The following CNDP1 variants were observed in gnomAD, a reference collection of about 807,000 sequenced individuals.
CNDP1 encodes the protein carnosine dipeptidase 1, also known as beta-Ala-His dipeptidase.
Under a neutral mutation model 58.1 loss-of-function variants are expected in CNDP1, and 44 were observed. The observed-to-expected ratio is 0.76, with a 90% CI of 0.60 to 0.97. The LOEUF is 0.97. Ranked by LOEUF, CNDP1 falls within the 50% of genes least tolerant of loss-of-function variation. The pLI is 0.00. For synonymous variants in CNDP1, 254 were observed against 252.6 expected (o/e 1.01, Z -0.05); for missense variants, 616 against 655.1 (o/e 0.94, Z 0.65).
intron 6 of CNDP1, among the ~76,000 whole-genome samples, chr18:74,568,600 C>T (rs1181505010): frequency 6.6e-6 from 1 of 152,094 alleles, no homozygotes; most frequent in African/African-American, 2.4e-5. Context: ...AGGGGGCGAG[C>T]TCCAGACCCA....
At position 74,576,973 on chromosome 18, in the gene CNDP1, G is replaced by A. The variant is rs62621182; in HGVS notation, c.946G>A (p.Asp316Asn). ...AAATACATACAAAGCCATCCATCTAGACCTAGAAGAATACCGGAATAGCAG... is the reference window on the plus strand; with the variant it reads ...AAATACATACAAAGCCATCCATCTAAACCTAGAAGAATACCGGAATAGCAG... ...EINTYKAIHL[D>N]LEEYRNSSRV... is the part of the protein sequence containing the mutation. Residue 316 changes from aspartate (D) to asparagine (N), a missense_variant, in exon 8 of 12, where the codon GAC becomes AAC. Transcript: ENST00000358821. The A allele has an allele frequency of 0.022, 35,483 of 1,613,270 alleles. 1,361 individuals carry two copies. The highest frequency in any genetic ancestry group is 0.12 in the African/African-American group (8,859 of 74,988).
intron 7 of CNDP1, among the ~76,000 whole-genome samples, chr18:74,571,848 C>T (rs1366793326): frequency 1.3e-5 from 2 of 152,128 alleles, no homozygotes; most frequent in African/African-American, 2.4e-5. Flanking sequence ...TGTGGGTGAC[C>T]AGGTATGTCC....
chr18:74,569,959 G>T (rs923179901), intron 6 of CNDP1, among the ~76,000 whole-genome samples: 3 of 151,442 alleles, frequency 2.0e-5, no homozygotes, highest in Admixed American at 6.6e-5. Context: ...GCTGAGGCGG[G>T]TGGATCACCT....
At chr18:74,559,677 T>C (rs990706827) in intron 3 of CNDP1, among the ~76,000 whole-genome samples, 2 of 152,120 alleles carry the variant, frequency 1.3e-5, no homozygotes, top group African/African-American at 4.8e-5. Context: ...TGGGGAGGGG[T>C]TGGCTCTTAG....
Position 74,559,341 on chromosome 18 carries a change from G to A in CNDP1, c.172G>A (p.Ala58Thr). The change falls in exon 3 of 12, where the codon GCC becomes ACC. Residue 58 changes from alanine to threonine, a missense_variant. By Grantham distance (58) the Ala-to-Thr change is moderately conservative. Coordinates refer to ENST00000358821, the MANE Select transcript of CNDP1 (RefSeq NM_032649.6). The part of the protein sequence containing the change: ...EFVQTLKEWV[A>T]IESDSVQPVP... Reference sequence around the variant, plus strand: ...CTCCTAGACGCTGAAGGAGTGGGTGGCCATCGAGAGCGACTCTGTCCAGCC... The same window carrying A: ...CTCCTAGACGCTGAAGGAGTGGGTGACCATCGAGAGCGACTCTGTCCAGCC... The A allele has an allele frequency of 6.2e-7, 1 of 1,614,044 alleles. No homozygotes were observed. The highest frequency in any genetic ancestry group is 8.5e-7 in the Non-Finnish European group (1 of 1,180,010).
At chr18:74,572,463 T>G in intron 7 of CNDP1, among the ~76,000 whole-genome samples, 1 of 152,126 alleles carries the variant, frequency 6.6e-6, no homozygotes, top group East Asian at 1.9e-4. Context: ...CTCGCTGTGC[T>G]CCACTTGGCA....
intron 8 of CNDP1, chr18:74,577,932 G>A: frequency 4.8e-6 from 2 of 414,560 alleles, no homozygotes; most frequent in South Asian, 1.2e-4. Flanking sequence ...CTTGGGCAAA[G>A]AGGGGCACTC....
chr18:74,575,036 G>C (rs1981590475), intron 7 of CNDP1, among the ~76,000 whole-genome samples: 1 of 138,720 alleles, frequency 7.2e-6, no homozygotes, highest in Non-Finnish European at 1.5e-5. Flanking sequence ...GGGAGGGATG[G>C]AGGGAAGGAA....
rs1223761059 is a variant in CNDP1 at position 74,585,297 on chromosome 18, A to G, written c.*735A>G. ...CTTCCTGTCCCATCAGAAAAGGCCC[A>G]CTCTCTCTCTATCCAACATCTGTGC... On this transcript the variant is annotated 3_prime_UTR_variant, in exon 12 of 12. Transcript: ENST00000358821. The G allele has an allele frequency of 6.6e-6, 1 of 151,794 alleles. No individual in the cohort carries two copies. The highest frequency in any genetic ancestry group is 1.5e-5 in the Non-Finnish European group (1 of 68,016). The allele number at this position is 151,794 out of a possible 1,614,324, so 9.4% of individuals were successfully genotyped here. A position where few individuals can be genotyped will look rare whatever the true frequency, so the allele number is the denominator to read the frequency against.
intron 11 of CNDP1, chr18:74,584,113 A>C: frequency 5.2e-6 from 1 of 191,118 alleles, no homozygotes; most frequent in Non-Finnish European, 9.9e-6. Context: ...AGGAAACACA[A>C]ATATTTAGTG....
At chr18:74,575,151 GAGAA>G (rs1981598052) in intron 7 of CNDP1, among the ~76,000 whole-genome samples, 2 of 152,156 alleles carry the variant, frequency 1.3e-5, no homozygotes, top group African/African-American at 4.8e-5. Flanking sequence ...AAGAAAGAAA[GAGAA>G]GGAAGGAAGG....
chr18:74,544,005 G>A (rs575088869), intron 1 of CNDP1, among the ~76,000 whole-genome samples: 2 of 152,146 alleles, frequency 1.3e-5, no homozygotes, highest in Non-Finnish European at 2.9e-5. Context: ...AGGGTGGCTT[G>A]AGCCTGGGAG....
chr18:74,562,320 G>T (rs1278289487), intron 5 of CNDP1, among the ~76,000 whole-genome samples, 185 bp downstream of exon 5: 1 of 152,222 alleles, frequency 6.6e-6, no homozygotes, highest in African/African-American at 2.4e-5. Context: ...GAAGGTCAGA[G>T]AACTTACCCA....
At chr18:74,549,526 G>A (rs1395108864) in intron 1 of CNDP1, among the ~76,000 whole-genome samples, 1 of 151,796 alleles carries the variant, frequency 6.6e-6, no homozygotes, top group Non-Finnish European at 1.5e-5. Context: ...TTTCTAAATG[G>A]GAAAAAGATT....
chr18:74,539,877 C>G (rs73476790), intron 1 of CNDP1, among the ~76,000 whole-genome samples: 1,889 of 152,310 alleles, frequency 0.012, 34 homozygotes, highest in African/African-American at 0.041. Context: ...CTCCCAGGAC[C>G]CCCACTCTCA....
rs772791562 is a variant in CNDP1, at chr18:74,561,030, G to A, written c.466+12G>A. On this transcript the variant is annotated intron_variant, in intron 4 of 11. Coordinates refer to ENST00000358821, the MANE Select transcript of CNDP1 (RefSeq NM_032649.6). ...GACGGAGGTAGACGGTCAGTGAGGC[G>A]CCCGGGCTACAGTGCGGTGCTGCTG... The A allele has an allele frequency of 2.5e-5, 41 of 1,609,054 alleles. No homozygotes were observed. The highest frequency in any genetic ancestry group is 8.9e-5 in the East Asian group (4 of 44,740).
At chr18:74,548,515 CT>C (rs1980820540) in intron 1 of CNDP1, among the ~76,000 whole-genome samples, 1 of 152,138 alleles carries the variant, frequency 6.6e-6, no homozygotes, top group African/African-American at 2.4e-5. Flanking sequence ...CACCTCTTTT[CT>C]TTATAAACTA....
intron 6 of CNDP1, 22 bp downstream of exon 6, chr18:74,567,455 T>C (rs1335631216): frequency 6.3e-7 from 1 of 1,592,000 alleles, no homozygotes; most frequent in Non-Finnish European, 8.6e-7. Context: ...GAGCAGTGCA[T>C]GGATGGAGGC....
intron 3 of CNDP1, among the ~76,000 whole-genome samples, chr18:74,559,813 T>C (rs1981140323): frequency 6.6e-6 from 1 of 152,114 alleles, no homozygotes; most frequent in South Asian, 2.1e-4. Flanking sequence ...TTTCTTTAAA[T>C]TCATATGCAT....
Sources: gnomAD v4.1 joint callset for allele counts (sites outside exome capture counted in the v4.1 genomes callset) on GRCh38, gnomAD v4.1.1 for gene constraint, MANE v1.5 for transcripts, NCBI Gene and HGNC (gene_info 2026-07-23, HGNC 2026-07-21) for gene names.